Variants in ACTR3C observed in about 807,000 individuals in gnomAD.
The protein encoded by ACTR3C is actin related protein 3C.
A neutral mutation model predicts 26.3 loss-of-function variants in ACTR3C; 18 were observed. The observed-to-expected ratio is 0.68, with a 90% CI of 0.47 to 1.01. The LOEUF (loss-of-function observed/expected upper bound fraction) is 1.01. ACTR3C is among the 50% of genes least tolerant of loss of function. The pLI, the probability that ACTR3C is intolerant of heterozygous loss-of-function variation, is 0.00. For synonymous variants in ACTR3C, 55 were observed against 94.5 expected (o/e 0.58, Z 2.42); for missense variants, 184 against 250.7 (o/e 0.73, Z 1.80).
At chr7:149,971,793 T>G in the ACTR3C span, among the ~76,000 whole-genome samples, 2 of 152,168 alleles carry the variant, frequency 1.3e-5, no homozygotes, top group African/African-American at 4.8e-5. Context: ...CTGCTCCTAG[T>G]GATATTTTAG....
chr7:149,936,418 T>C, the ACTR3C span, among the ~76,000 whole-genome samples: 598 of 152,324 alleles, frequency 3.9e-3, no homozygotes, highest in Non-Finnish European at 6.6e-3. Flanking sequence ...GATAGTTGTA[T>C]ACAATGTAGA....
chr7:149,956,382 C>A, the ACTR3C span, among the ~76,000 whole-genome samples: 1 of 151,850 alleles, frequency 6.6e-6, no homozygotes, highest in South Asian at 2.1e-4. Flanking sequence ...CATAGTGAGA[C>A]CTCATCTCTC....
chr7:150,219,042 ATTAC>A, the ACTR3C span, among the ~76,000 whole-genome samples: 26 of 152,284 alleles, frequency 1.7e-4, no homozygotes, highest in African/African-American at 6.0e-4. Context: ...AATGCTTGAT[ATTAC>A]TTACTCAGTT....
chr7:149,995,555 A>C, the ACTR3C span, among the ~76,000 whole-genome samples: 62,511 of 148,860 alleles, frequency 0.42, 7,718 homozygotes, highest in Non-Finnish European at 0.47. Context: ...CTGCACAGAC[A>C]ATTTTAATAC....
At chr7:150,170,825 G>A in the ACTR3C span, among the ~76,000 whole-genome samples, 1 of 146,922 alleles carries the variant, frequency 6.8e-6, no homozygotes, top group Non-Finnish European at 1.5e-5. Flanking sequence ...AAGAGCCAGA[G>A]GAGCACGTTA....
the ACTR3C span, among the ~76,000 whole-genome samples, chr7:149,931,186 G>C: frequency 2.6e-5 from 4 of 152,198 alleles, no homozygotes; most frequent in Non-Finnish European, 5.9e-5. Flanking sequence ...TTTTCTAAAC[G>C]TACATACTGT....
the ACTR3C span, among the ~76,000 whole-genome samples, chr7:149,984,248 G>A: frequency 2.0e-5 from 3 of 151,372 alleles, no homozygotes; most frequent in South Asian, 4.2e-4. Context: ...CTGTTGCCCA[G>A]GCAGGAGTGC....
chr7:150,290,102 C>A (rs1475025705), intron 3 of ACTR3C, among the ~76,000 whole-genome samples: 1 of 151,980 alleles, frequency 6.6e-6, no homozygotes, highest in Non-Finnish European at 1.5e-5. Flanking sequence ...TCAGCCTCAG[C>A]GCGTTTGTCC....
At chr7:149,905,141 C>G in the ACTR3C span, among the ~76,000 whole-genome samples, 3 of 151,106 alleles carry the variant, frequency 2.0e-5, no homozygotes, top group Non-Finnish European at 4.4e-5. Flanking sequence ...CAAAGCTATT[C>G]TGAGAAAAAA....
the ACTR3C span, among the ~76,000 whole-genome samples, chr7:150,006,179 G>A: frequency 1.0e-5 from 1 of 97,750 alleles, no homozygotes; most frequent in African/African-American, 4.9e-5. Context: ...CGACTGAATT[G>A]CACAGAATTT....
At chr7:150,030,421 A>G in the ACTR3C span, among the ~76,000 whole-genome samples, 1 of 151,850 alleles carries the variant, frequency 6.6e-6, no homozygotes. Context: ...GAGAGTGCTA[A>G]CCAACTGCAC....
the ACTR3C span, among the ~76,000 whole-genome samples, chr7:150,143,600 G>T: frequency 6.6e-6 from 1 of 152,176 alleles, no homozygotes; most frequent in African/African-American, 2.4e-5. Flanking sequence ...CTGATCCCCG[G>T]TGAGTATATC....
At chr7:150,061,587 C>A in the ACTR3C span, among the ~76,000 whole-genome samples, 2 of 43,598 alleles carry the variant, frequency 4.6e-5, no homozygotes, top group African/African-American at 7.3e-5. Flanking sequence ...CATGCATTGT[C>A]TTATAAGGGA....
the ACTR3C span, among the ~76,000 whole-genome samples, chr7:150,118,953 A>AC: frequency 2.6e-5 from 4 of 151,852 alleles, no homozygotes; most frequent in African/African-American, 7.3e-5. Context: ...AAAAAAAAAA[A>AC]AACTCAACCC....
chr7:150,095,052 C>T, the ACTR3C span, among the ~76,000 whole-genome samples: 5 of 148,534 alleles, frequency 3.4e-5, no homozygotes, highest in Non-Finnish European at 3.0e-5. Flanking sequence ...TGTCACCTGC[C>T]TCTGGGCCAG....
chr7:150,194,000 A>T, the ACTR3C span, among the ~76,000 whole-genome samples: 3 of 148,990 alleles, frequency 2.0e-5, no homozygotes, highest in South Asian at 4.2e-4. Flanking sequence ...AGACACACAC[A>T]CACACACACA....
chr7:150,155,948 G>A, the ACTR3C span, among the ~76,000 whole-genome samples: 10 of 152,078 alleles, frequency 6.6e-5, no homozygotes, highest in African/African-American at 9.6e-5. Context: ...TTTAAACAGC[G>A]CATTTGAGAG....
At position 150,272,622 on chromosome 7, in the gene ACTR3C, TC is replaced by T. The variant is rs1299574090; in HGVS notation, c.564+12130del. Among the ~76,000 whole-genome samples the T allele has an allele frequency of 2.9e-5, 4 of 138,808 alleles. 1 individual carries two copies. The highest frequency in any genetic ancestry group is 1.2e-4 in the African/African-American group (4 of 32,590). 91.1% of individuals were successfully genotyped at this position (138,808 alleles called of 152,430 possible). ...CTCAAAGTAAAGCAACAGTGCTTAC[TC>T]TAATAATTCTGTACCTCAGAAATAT... On this transcript the variant is annotated intron_variant, in intron 6 of 7. Coordinates refer to ENST00000683684, the MANE Select transcript of ACTR3C (RefSeq NM_001164458.2).
intron 2 of ACTR3C, 50 bp downstream of exon 2, chr7:150,295,202 C>A (rs764926250): frequency 4.6e-5 from 74 of 1,601,786 alleles, no homozygotes; most frequent in Non-Finnish European, 6.0e-5. Context: ...ATTTCTTCCG[C>A]TACTAGACAG....
Sources: allele counts gnomAD v4.1 joint callset (sites outside exome capture counted in the v4.1 genomes callset), GRCh38; gene constraint gnomAD v4.1.1; transcripts MANE v1.5; gene names NCBI Gene and HGNC (gene_info 2026-07-23, HGNC 2026-07-21).